The following WDR27 variants were observed in gnomAD, a reference collection of about 807,000 sequenced individuals.
WDR27 encodes the protein WD repeat domain 27.
WDR27 carries 100 observed loss-of-function variants against 114.4 expected under a neutral mutation model. The observed-to-expected ratio is 0.87, with a 90% CI of 0.74 to 1.03. WDR27 has a LOEUF of 1.03. Ranked by LOEUF, WDR27 falls within the 50% of genes least tolerant of loss-of-function variation. WDR27 has a pLI of 0.00. For missense variants in WDR27, 1,129 were observed against 1,092.9 expected (o/e 1.03, Z -0.47); for synonymous variants, 449 against 423.1 (o/e 1.06, Z -0.75).
chr6:169,452,839 T>A (rs1784210953), downstream of WDR27, among the ~76,000 whole-genome samples: 1 of 152,246 alleles, frequency 6.6e-6, no homozygotes, highest in Non-Finnish European at 1.5e-5. Context: ...ATTTTCGTAA[T>A]TTTCCCTTTC....
intron 1 of WDR27, among the ~76,000 whole-genome samples, chr6:169,691,352 TCTCA>T (rs1389435217): frequency 1.8e-4 from 28 of 152,286 alleles, no homozygotes; most frequent in Admixed American, 1.7e-3. Flanking sequence ...ACAATTTTTA[TCTCA>T]CTTTTTTTTT....
At chr6:169,443,694 A>G in the WDR27 span, among the ~76,000 whole-genome samples, 1 of 152,342 alleles carries the variant, frequency 6.6e-6, no homozygotes, top group South Asian at 2.1e-4. Flanking sequence ...CTTCAGAGGC[A>G]GGGAGCTCAG....
At chr6:169,595,839 T>C (rs986858209) in intron 23 of WDR27, among the ~76,000 whole-genome samples, 3 of 151,620 alleles carry the variant, frequency 2.0e-5, no homozygotes, top group African/African-American at 7.3e-5. Flanking sequence ...TTCTGGCATA[T>C]TCATAACTGT....
At chr6:169,621,001 AAG>A (rs2128196983) in intron 21 of WDR27, among the ~76,000 whole-genome samples, 1 of 152,342 alleles carries the variant, frequency 6.6e-6, no homozygotes, top group East Asian at 1.9e-4. Context: ...GTTCCTATGT[AAG>A]AAAATACAAT....
intron 21 of WDR27, among the ~76,000 whole-genome samples, chr6:169,615,393 G>A (rs1584601567): frequency 6.6e-6 from 1 of 152,054 alleles, no homozygotes; most frequent in East Asian, 1.9e-4. Context: ...CCACCCTCAA[G>A]CAGACCCCAG....
Position 169,636,382 on chromosome 6 carries a change from A to T in WDR27, c.1992T>A (p.Asp664Glu). 2 of 1,613,702 alleles carry T rather than the reference A, an allele frequency of 1.2e-6. No homozygotes were observed. Among genetic ancestry groups the T allele is most frequent in the South Asian group, 2.2e-5 (2 of 90,998 alleles). Residue 664 changes from aspartate (D) to glutamate (E), a missense_variant, in exon 19 of 26, where the codon GAT (aspartate) becomes GAA (glutamate). Transcript: ENST00000448612. ...CGGGGGGTGCCTACCTCTTAATCTC[A>T]TCTTTGCAAGTGTCAATGTGATACC... The part of the protein sequence containing the change: ...LLRYHIDTCK[D>E]EIKRYKQKSK...
chr6:169,616,434 G>A (rs1811842478), intron 21 of WDR27, among the ~76,000 whole-genome samples: 1 of 152,156 alleles, frequency 6.6e-6, no homozygotes, highest in African/African-American at 2.4e-5. Context: ...GTTGCAGTGA[G>A]CCAAGACTGC....
At position 169,661,164 on chromosome 6, in the gene WDR27, G is replaced by A. The variant is rs148447921; in HGVS notation, c.1026-398C>T. Among the ~76,000 whole-genome samples the A allele has an allele frequency of 1.4e-3, 214 of 152,356 alleles. 1 individual carries two copies. The highest frequency in any genetic ancestry group is 5.0e-3 in the African/African-American group (206 of 41,586). On this transcript the variant is annotated intron_variant, in intron 9 of 25. Transcript: ENST00000448612. ...ATTTGTGGTGATCCCCTGGGCACCT[G>A]CTAATGTCTGTGAAGACGCTCGCTC...
At chr6:169,695,008 G>C (rs1785496649) in intron 1 of WDR27, among the ~76,000 whole-genome samples, 1 of 152,228 alleles carries the variant, frequency 6.6e-6, no homozygotes, top group Admixed American at 6.5e-5. Context: ...CCAGCAGAGG[G>C]AGAAGGGTGG....
At chr6:169,671,589 C>G (rs935476113) in intron 3 of WDR27, 5 of 152,390 alleles carry the variant, frequency 3.3e-5, no homozygotes, top group African/African-American at 9.6e-5. Context: ...ATGAGACTCT[C>G]CTAACATCAG....
Position 169,659,454 on chromosome 6 carries a change from T to C in WDR27, c.1194A>G (p.Gln398=), listed in dbSNP as rs759364119. The C allele has an allele frequency of 2.5e-6, 4 of 1,608,354 alleles. No homozygotes were observed. The highest frequency in any genetic ancestry group is 3.4e-6 in the Non-Finnish European group (4 of 1,177,388). ...SCALRNRTAD[Q]KVLCLLASLF... ...AGGGCCGCGTCTCAGGACTGACCTT[T>C]TGATCCGCAGTGCGGTTCCTCAGGG... Residue 398 remains glutamine (Q), a synonymous_variant, in exon 11 of 26, where the codon CAA becomes CAG. Coordinates refer to ENST00000448612, the MANE Select transcript of WDR27 (RefSeq NM_182552.5). The surrounding 1 kb of genome is among the most constrained non-coding windows in gnomAD (Gnocchi z 4.3).
chr6:169,543,747 T>C (rs1332435075), intron 25 of WDR27, among the ~76,000 whole-genome samples: 2 of 152,186 alleles, frequency 1.3e-5, no homozygotes, highest in African/African-American at 2.4e-5. Flanking sequence ...CTTCAAAACA[T>C]GATGAGTATA....
chr6:169,545,830 A>C (rs1202017976), intron 25 of WDR27, among the ~76,000 whole-genome samples: 1 of 152,234 alleles, frequency 6.6e-6, no homozygotes, highest in Non-Finnish European at 1.5e-5. Context: ...ATGCACACAT[A>C]CATATAAATT....
chr6:169,645,680 A>T (rs927805498), intron 16 of WDR27, among the ~76,000 whole-genome samples: 1 of 145,626 alleles, frequency 6.9e-6, no homozygotes, highest in Non-Finnish European at 1.6e-5. Context: ...ACTGTAGAAA[A>T]TCCTAGTTCA....
At chr6:169,461,823 AAATGATTC>A (rs1784942916) in intron 25 of WDR27, among the ~76,000 whole-genome samples, 1 of 151,962 alleles carries the variant, frequency 6.6e-6, no homozygotes, top group African/African-American at 2.4e-5. Context: ...GGAAACAAAA[AAATGATTC>A]AATGAAAAGA....
downstream of WDR27, among the ~76,000 whole-genome samples, chr6:169,455,563 T>C (rs1784315686): frequency 6.6e-6 from 1 of 152,214 alleles, no homozygotes; most frequent in Non-Finnish European, 1.5e-5. Flanking sequence ...AGGCATCCAC[T>C]CACAGCACCA....
intron 21 of WDR27, among the ~76,000 whole-genome samples, chr6:169,623,134 C>A (rs1242340377): frequency 1.3e-5 from 2 of 151,992 alleles, no homozygotes; most frequent in East Asian, 1.9e-4. Flanking sequence ...ATTTTGCATA[C>A]CCTGCACTGA....
intron 1 of WDR27, among the ~76,000 whole-genome samples, chr6:169,694,019 T>C (rs1785171072): frequency 6.6e-6 from 1 of 152,180 alleles, no homozygotes; most frequent in Admixed American, 6.5e-5. Flanking sequence ...TTGTTAAATG[T>C]AACAGTCATG....
chr6:169,663,163 TGGGAAAGAGGA>T (rs1826811634), intron 8 of WDR27, among the ~76,000 whole-genome samples: 1 of 151,706 alleles, frequency 6.6e-6, no homozygotes, highest in Non-Finnish European at 1.5e-5. Flanking sequence ...AGCAAGGGAG[TGGGAAAGAGGA>T]GATAATCAAT....
Sources: gnomAD v4.1 joint callset for allele counts (sites outside exome capture counted in the v4.1 genomes callset) on GRCh38, gnomAD v4.1.1 for gene constraint, Gnocchi (gnomAD v3.1) non-coding constraint, MANE v1.5 for transcripts, NCBI Gene and HGNC (gene_info 2026-07-23, HGNC 2026-07-21) for gene names.